The following GRIK4 variants were observed in gnomAD, a reference collection of about 807,000 sequenced individuals.
GRIK4 encodes glutamate receptor ionotropic, kainate 4.
GRIK4 carries 40 observed loss-of-function variants against 104.9 expected under a neutral mutation model. The observed-to-expected ratio is 0.38, with a 90% CI of 0.30 to 0.50. GRIK4 has a LOEUF of 0.50. GRIK4 is among the 20% of genes least tolerant of loss of function. GRIK4 has a pLI of 0.93. For missense variants in GRIK4, 1,047 were observed against 1,308.1 expected (o/e 0.80, Z 3.08); for synonymous variants, 485 against 524.9 (o/e 0.92, Z 1.04).
chr11:120,532,364 C>T (rs1396006179), intron 1 of GRIK4, among the ~76,000 whole-genome samples: 1 of 152,114 alleles, frequency 6.6e-6, no homozygotes, highest in Non-Finnish European at 1.5e-5. Context: ...ACCCAGGAGT[C>T]GGGTGGCCCT....
chr11:120,734,228 G>A (rs1475428971), intron 3 of GRIK4, among the ~76,000 whole-genome samples: 1 of 152,130 alleles, frequency 6.6e-6, no homozygotes, highest in Admixed American at 6.5e-5. Flanking sequence ...GAGGTCTGAT[G>A]ATTGATGAAA....
chr11:120,716,135 TG>T (rs756126399), intron 3 of GRIK4, among the ~76,000 whole-genome samples: 8 of 152,016 alleles, frequency 5.3e-5, no homozygotes, highest in Admixed American at 2.0e-4. Context: ...GCTTCTGAAC[TG>T]GGAGTGACTC....
intron 3 of GRIK4, among the ~76,000 whole-genome samples, chr11:120,690,360 G>A (rs1950338945): frequency 6.6e-6 from 1 of 152,162 alleles, no homozygotes; most frequent in Admixed American, 6.5e-5. Context: ...GTGCTTCTAG[G>A]CACATCTCTA....
At chr11:120,801,526 A>G (rs2135510622) in intron 3 of GRIK4, among the ~76,000 whole-genome samples, 1 of 152,272 alleles carries the variant, frequency 6.6e-6, no homozygotes, top group Non-Finnish European at 1.5e-5. Flanking sequence ...GCGTCCAGCC[A>G]CACTTAGCAT....
chr11:120,954,818 CACACACACACACAA>C (rs746599554), intron 15 of GRIK4, among the ~76,000 whole-genome samples: 2,003 of 84,172 alleles, frequency 0.024, 32 homozygotes, highest in African/African-American at 0.058. Flanking sequence ...CACACACACA[CACACACACACACAA>C]ACAATACTGG....
chr11:120,779,062 A>G (rs1330111105), intron 3 of GRIK4, among the ~76,000 whole-genome samples: 1 of 152,170 alleles, frequency 6.6e-6, no homozygotes, highest in Admixed American at 6.5e-5. Context: ...CAGGTGCACC[A>G]GGACCTCAGT....
At chr11:120,540,480 G>A (rs992272449) in intron 1 of GRIK4, among the ~76,000 whole-genome samples, 2 of 152,132 alleles carry the variant, frequency 1.3e-5, no homozygotes, top group African/African-American at 2.4e-5. Flanking sequence ...CGGGCATGGT[G>A]GTGCGCACCT....
At chr11:120,706,346 T>C (rs1398402489) in intron 3 of GRIK4, among the ~76,000 whole-genome samples, 1 of 152,236 alleles carries the variant, frequency 6.6e-6, no homozygotes, top group East Asian at 1.9e-4. Flanking sequence ...GACTCCTGGC[T>C]GATCCAGCCT....
intron 9 of GRIK4, among the ~76,000 whole-genome samples, chr11:120,864,303 C>T (rs566858924): frequency 3.4e-3 from 513 of 151,808 alleles, no homozygotes; most frequent in African/African-American, 0.012. Context: ...TGCAGTGGCG[C>T]GATCTCGGCT....
intron 8 of GRIK4, among the ~76,000 whole-genome samples, chr11:120,839,544 C>G (rs1953664052): frequency 6.6e-6 from 1 of 152,222 alleles, no homozygotes. Context: ...AGAAGTCCAG[C>G]TTATGCCTCC....
chr11:120,643,312 G>A (rs967366140), intron 1 of GRIK4, among the ~76,000 whole-genome samples: 2 of 152,244 alleles, frequency 1.3e-5, no homozygotes, highest in African/African-American at 4.8e-5. Flanking sequence ...CTGGAAGAGG[G>A]TGAGGGAGTG....
intron 3 of GRIK4, among the ~76,000 whole-genome samples, chr11:120,692,078 G>A (rs1950374504): frequency 1.3e-5 from 2 of 152,226 alleles, no homozygotes; most frequent in Admixed American, 6.5e-5. Flanking sequence ...CAGCCAGCCA[G>A]GGGAGGATGT....
intron 3 of GRIK4, among the ~76,000 whole-genome samples, chr11:120,724,815 T>A (rs1861371027): frequency 6.6e-6 from 1 of 152,250 alleles, no homozygotes. Context: ...TTACCAAAAT[T>A]GTGCACCATT....
intron 1 of GRIK4, among the ~76,000 whole-genome samples, chr11:120,630,055 C>T (rs950913436): frequency 6.6e-6 from 1 of 152,210 alleles, no homozygotes; most frequent in Non-Finnish European, 1.5e-5. Context: ...GGAGGCGTCC[C>T]TTCCCAGCCA....
chr11:120,599,299 C>T (rs1479627130), intron 1 of GRIK4, among the ~76,000 whole-genome samples: 1 of 152,208 alleles, frequency 6.6e-6, no homozygotes, highest in Non-Finnish European at 1.5e-5. Flanking sequence ...TTCCCTGGAC[C>T]AGCTGCTGCA....
chr11:120,706,566 TGGTG>T (rs1950632666), intron 3 of GRIK4, among the ~76,000 whole-genome samples: 1 of 152,078 alleles, frequency 6.6e-6, no homozygotes, highest in Non-Finnish European at 1.5e-5. Flanking sequence ...GAGGGGCTGT[TGGTG>T]GGTGGTATGC....
intron 1 of GRIK4, among the ~76,000 whole-genome samples, chr11:120,550,421 C>T (rs567202822): frequency 6.6e-6 from 1 of 151,800 alleles, no homozygotes; most frequent in African/African-American, 2.4e-5. Flanking sequence ...AGAGAGATGG[C>T]GTCAGCAGTT....
At chr11:120,860,758 G>A (rs1044882575) in intron 8 of GRIK4, among the ~76,000 whole-genome samples, 8 of 152,162 alleles carry the variant, frequency 5.3e-5, no homozygotes, top group African/African-American at 1.7e-4. Context: ...AGTGGTAAAT[G>A]AAGGCACCAC....
chr11:120,512,680 C>A (rs935946232), intron 1 of GRIK4, among the ~76,000 whole-genome samples: 3 of 151,970 alleles, frequency 2.0e-5, no homozygotes, highest in Admixed American at 6.6e-5. Context: ...GATTTAGATT[C>A]TCTTCAGTGA....
Sources: gnomAD v4.1 joint callset for allele counts (sites outside exome capture counted in the v4.1 genomes callset) on GRCh38, gnomAD v4.1.1 for gene constraint, MANE v1.5 for transcripts, NCBI Gene and HGNC (gene_info 2026-07-23, HGNC 2026-07-21) for gene names.